FAF2: variants seen among roughly 807,000 people sequenced by gnomAD.
FAF2 encodes FAS-associated factor 2.
FAF2 carries 9 observed loss-of-function variants against 62.3 expected under a neutral mutation model. That is an observed-to-expected ratio of 0.14 (90% CI 0.09 to 0.25). The LOEUF is 0.25. Among genes scored for constraint, FAF2 ranks in the 10% least tolerant of loss-of-function variants. The probability of loss-of-function intolerance (pLI) is 1.00; values close to 1 mark genes in which losing one functional copy is unlikely to be tolerated. For missense variants in FAF2, 368 were observed against 556.2 expected (o/e 0.66, Z 3.40); for synonymous variants, 202 against 198.0 (o/e 1.02, Z -0.17).
rs147656374 is a variant in FAF2, at chr5:176,472,277, G to T, written c.64-6911G>T. Among the ~76,000 whole-genome samples the T allele has an allele frequency of 3.0e-4, 45 of 152,150 alleles. No homozygotes were observed. In the East Asian group the frequency reaches 8.5e-3, roughly 29 times the overall value. On this transcript the variant is annotated intron_variant, in intron 1 of 10. Coordinates refer to ENST00000261942, the MANE Select transcript of FAF2 (RefSeq NM_014613.3). ...TTCTCCTGCCTCAGCCTCCTGAGTAGCTGGGATCACAGGCGCACACCACCG... is the reference window on the plus strand; with the variant it reads ...TTCTCCTGCCTCAGCCTCCTGAGTATCTGGGATCACAGGCGCACACCACCG...
intron 4 of FAF2, among the ~76,000 whole-genome samples, chr5:176,491,069 A>G (rs1758964389): frequency 6.6e-6 from 1 of 152,222 alleles, no homozygotes; most frequent in Non-Finnish European, 1.5e-5. Flanking sequence ...TGTTGGGATA[A>G]TGAATTGACT....
chr5:176,505,484 G>A (rs1191679187), intron 10 of FAF2, among the ~76,000 whole-genome samples: 1 of 152,164 alleles, frequency 6.6e-6, no homozygotes, highest in African/African-American at 2.4e-5. Context: ...TTTGTCCATA[G>A]GTTATTGGGG....
rs117908461 is a variant in FAF2 at position 176,492,969 on chromosome 5, A to G, written c.483+637A>G. On this transcript the variant is annotated intron_variant, in intron 5 of 10. Coordinates refer to ENST00000261942, the MANE Select transcript of FAF2 (RefSeq NM_014613.3). ...GACTCAGGGTAGCACATCTCATTCA[A>G]CCTCAGCCATGTAGACCTTTGACTC... is the stretch of plus-strand genomic sequence containing the variant. 8.5e-5 allele frequency among the ~76,000 whole-genome samples: 13 copies of G among 152,290 alleles called. No individual in the cohort carries two copies. In the East Asian group the frequency reaches 2.5e-3, roughly 29 times the overall value.
At chr5:176,467,456 G>A (rs1000505413) in intron 1 of FAF2, among the ~76,000 whole-genome samples, 6 of 151,924 alleles carry the variant, frequency 3.9e-5, no homozygotes, top group East Asian at 1.9e-4. Flanking sequence ...TCAGCCACCC[G>A]AGTAGCTAGA....
chr5:176,483,946 G>A (rs1041669005), intron 2 of FAF2, among the ~76,000 whole-genome samples: 31 of 151,976 alleles, frequency 2.0e-4, no homozygotes, highest in Admixed American at 1.6e-3. Flanking sequence ...GTGGCGGTGC[G>A]TGCCTGTAAT....
intron 1 of FAF2, among the ~76,000 whole-genome samples, chr5:176,461,311 G>GGT (rs1758373185): frequency 1.3e-5 from 1 of 75,772 alleles, no homozygotes; most frequent in Non-Finnish European, 2.5e-5. Context: ...ACTGTGCCCA[G>GGT]CTTTTTTTTT....
chr5:176,472,304 G>A (rs896643771), intron 1 of FAF2, among the ~76,000 whole-genome samples: 4 of 151,904 alleles, frequency 2.6e-5, no homozygotes, highest in African/African-American at 9.7e-5. Context: ...ACACCACCGT[G>A]CCCAGCTAAT....
Position 176,476,347 on chromosome 5 carries a change from G to A in FAF2, c.64-2841G>A, listed in dbSNP as rs563974096. On this transcript the variant is annotated intron_variant, in intron 1 of 10. Transcript: ENST00000261942. The stretch of plus-strand genomic sequence containing the variant: ...AATATCTAGAGGATTTCAGCTTATA[G>A]CTATGATGACTGAAGCTTATACAAA... Among the ~76,000 whole-genome samples the A allele has an allele frequency of 9.9e-5, 15 of 152,200 alleles. No homozygotes were observed. The South Asian group carries it at 2.9e-3, about 29-fold the overall frequency.
At chr5:176,485,472 A>G (rs113161948) in intron 2 of FAF2, among the ~76,000 whole-genome samples, 7 of 152,384 alleles carry the variant, frequency 4.6e-5, no homozygotes, top group African/African-American at 1.7e-4. Context: ...CAGGTCTGAC[A>G]TAGATTACCT....
intron 1 of FAF2, among the ~76,000 whole-genome samples, chr5:176,473,475 G>T (rs1032583268): frequency 7.2e-5 from 11 of 152,162 alleles, no homozygotes; most frequent in African/African-American, 2.7e-4. Flanking sequence ...AGCTGCAGTA[G>T]CGTTGGTCAG....
chr5:176,480,487 A>G (rs1758769097), intron 2 of FAF2, among the ~76,000 whole-genome samples: 1 of 152,114 alleles, frequency 6.6e-6, no homozygotes, highest in Non-Finnish European at 1.5e-5. Flanking sequence ...AGCATACCTC[A>G]CTACAGCCTT....
chr5:176,474,144 T>C (rs1758620800), intron 1 of FAF2, among the ~76,000 whole-genome samples: 1 of 152,216 alleles, frequency 6.6e-6, no homozygotes, highest in South Asian at 2.1e-4. Context: ...CTGTATGCAG[T>C]CATCTGTATC....
chr5:176,449,948 A>T (rs1758135299), intron 1 of FAF2, among the ~76,000 whole-genome samples: 3 of 152,224 alleles, frequency 2.0e-5, no homozygotes, highest in Admixed American at 1.3e-4. Context: ...TAAAATGCTT[A>T]GGTTACACAG....
At chr5:176,487,873 C>T (rs1758902005) in intron 3 of FAF2, among the ~76,000 whole-genome samples, 2 of 151,878 alleles carry the variant, frequency 1.3e-5, no homozygotes, top group South Asian at 4.2e-4. Flanking sequence ...GACAGAATCT[C>T]CCTCTGTTGC....
intron 10 of FAF2, among the ~76,000 whole-genome samples, chr5:176,502,932 C>T (rs1755619891): frequency 6.6e-6 from 1 of 151,814 alleles, no homozygotes; most frequent in Admixed American, 6.6e-5. Flanking sequence ...CCAGTAGTCC[C>T]AGCTACTCGG....
intron 1 of FAF2, among the ~76,000 whole-genome samples, chr5:176,452,206 T>C (rs1581465977): frequency 6.6e-6 from 1 of 151,950 alleles, no homozygotes. Context: ...TACAAGTGCC[T>C]GCCACCATGC....
Position 176,499,020 on chromosome 5 carries a change from G to C in FAF2, c.946G>C (p.Glu316Gln), listed in dbSNP as rs1755546463. The C allele has an allele frequency of 6.2e-7, 1 of 1,613,118 alleles. No homozygotes were observed. The highest frequency in any genetic ancestry group is 1.7e-5 in the Admixed American group (1 of 59,886). The part of the protein sequence containing the change: ...EKERKKREER[E>Q]RKRRKEEEVQ... ...AGAAAGAAAGAAACGGGAGGAGCGG[G>C]AGCGTAAGCGGCGGAAGGAGGAGGA... is the stretch of plus-strand genomic sequence containing the variant. The change falls in exon 9 of 11, where the codon GAG (glutamate) becomes CAG (glutamine). Residue 316 changes from glutamate to glutamine, a missense_variant. Physicochemically the swap from Glu to Gln is conservative, Grantham distance 29. Transcript: ENST00000261942.
chr5:176,456,080 T>C (rs368082763), intron 1 of FAF2, among the ~76,000 whole-genome samples: 15 of 151,960 alleles, frequency 9.9e-5, no homozygotes, highest in African/African-American at 3.6e-4. Context: ...TGACTGGGTT[T>C]GTTTGATTGA....
intron 1 of FAF2, among the ~76,000 whole-genome samples, chr5:176,451,890 ATATT>A (rs1758192429): frequency 1.5e-4 from 5 of 34,216 alleles, no homozygotes; most frequent in African/African-American, 4.4e-4. Flanking sequence ...ATATATATAT[ATATT>A]TTTTTTTTTT....
Sources: allele counts gnomAD v4.1 joint callset (sites outside exome capture counted in the v4.1 genomes callset), GRCh38; gene constraint gnomAD v4.1.1; transcripts MANE v1.5; gene names NCBI Gene and HGNC (gene_info 2026-07-23, HGNC 2026-07-21).